The following VPS33B variants were observed in gnomAD, a reference collection of about 807,000 sequenced individuals.
VPS33B encodes VPS33B late endosome and lysosome associated.
In VPS33B, 80 loss-of-function variants were observed where a neutral mutation model predicts 95.3. The ratio of observed to expected loss-of-function variants is 0.84; its 90% confidence interval spans 0.70 to 1.01. The LOEUF (loss-of-function observed/expected upper bound fraction) is 1.01. VPS33B is among the 50% of genes least tolerant of loss of function. The probability of loss-of-function intolerance (pLI) is 0.00; values close to 1 mark genes in which losing one functional copy is unlikely to be tolerated. For missense variants in VPS33B, 715 were observed against 773.4 expected, an observed-to-expected ratio of 0.92 and a Z score of 0.90; for synonymous variants, 280 against 280.4, an observed-to-expected ratio of 1.00 and a Z score of 0.01.
At position 91,005,097 on chromosome 15, in the gene VPS33B, G is replaced by A. The variant is rs1332140293; in HGVS notation, c.1128C>T (p.Ile376=). 6.2e-7 allele frequency: 1 copy of A among 1,614,086 alleles called. No homozygotes were observed. The highest frequency in any genetic ancestry group is 2.2e-5 in the East Asian group (1 of 44,900). Residue 376 remains isoleucine, a synonymous_variant, in exon 15 of 23, where the codon ATC becomes ATT. Coordinates refer to ENST00000333371, the MANE Select transcript of VPS33B (RefSeq NM_018668.5). This position sits in a 1 kb window ranked among gnomAD's most constrained non-coding sequence, Gnocchi z 6.4. ...CCTCAATGTAGCTGGTGCTCTCCCG[G>A]ATGTTGAACCCCTCTAGCAGTGCTG... ...TEHALLEGFN[I]RESTSYIEEH... is the part of the protein sequence containing the mutation.
intron 1 of VPS33B, among the ~76,000 whole-genome samples, chr15:91,020,753 C>T (rs575230204): frequency 2.0e-5 from 3 of 152,180 alleles, no homozygotes; most frequent in East Asian, 3.9e-4. Flanking sequence ...GGCTAGCGTG[C>T]GCCTGTAATC....
At chr15:91,021,425 C>T (rs1192167725) in intron 1 of VPS33B, among the ~76,000 whole-genome samples, 1 of 152,218 alleles carries the variant, frequency 6.6e-6, no homozygotes, top group Non-Finnish European at 1.5e-5. Flanking sequence ...CCATCACTTT[C>T]CTTCATTCCC....
chr15:91,006,253 C>T lies in VPS33B; in HGVS notation c.852+119G>A, dbSNP rs568251318. ...TGAACTGGTGGGGAAACCCTCTCTC[C>T]CATAGACTCAGCCTCCCCTCTCAGA... On this transcript the variant is annotated intron_variant, in intron 11 of 22. Transcript: ENST00000333371. The surrounding 1 kb of genome is among the most constrained non-coding windows in gnomAD (Gnocchi z 5.4). 5.8e-5 allele frequency: 86 copies of T among 1,484,486 alleles called. No individual in the cohort carries two copies. The South Asian group carries it at 9.0e-4, about 16-fold the overall frequency. 92.0% of individuals were successfully genotyped at this position (1,484,486 alleles called of 1,614,324 possible).
chr15:91,021,385 T>TAG (rs1352283979), intron 1 of VPS33B, among the ~76,000 whole-genome samples: 1 of 152,146 alleles, frequency 6.6e-6, no homozygotes, highest in Non-Finnish European at 1.5e-5. Flanking sequence ...CAGTAAGTCT[T>TAG]TGAGTTTTCT....
chr15:91,016,706 G>A (rs1053275161), intron 3 of VPS33B, among the ~76,000 whole-genome samples: 2 of 152,006 alleles, frequency 1.3e-5, no homozygotes, highest in Non-Finnish European at 2.9e-5. Flanking sequence ...CTTGAGAAAA[G>A]CACGATGAAA....
intron 6 of VPS33B, among the ~76,000 whole-genome samples, chr15:91,008,577 A>G (rs113038683): frequency 0.017 from 2,611 of 152,236 alleles, 90 homozygotes; most frequent in African/African-American, 0.06. Context: ...CTCATTCATT[A>G]TTCAGCATAT....
rs536575979 is a variant in VPS33B at position 91,015,906 on chromosome 15, C to T, written c.239+1057G>A. ...AAATATTTTTTTTCAAACTGGGGTA[C>T]ATGGATATATTCTCCATGTATCCAG... On this transcript the variant is annotated intron_variant, in intron 3 of 22. Transcript: ENST00000333371. This position sits in a 1 kb window ranked among gnomAD's most constrained non-coding sequence, Gnocchi z 4.7. Among the ~76,000 whole-genome samples, 23 of 151,848 alleles carry T rather than the reference C, an allele frequency of 1.5e-4. No individual in the cohort carries two copies. The highest frequency in any genetic ancestry group is 5.1e-4 in the African/African-American group (21 of 41,406).
chr15:91,012,069 GAA>G (rs75535328), intron 5 of VPS33B, among the ~76,000 whole-genome samples: 18 of 104,312 alleles, frequency 1.7e-4, no homozygotes, highest in African/African-American at 5.9e-4. Flanking sequence ...AATTTGAAAA[GAA>G]AAAAAAAAAA....
intron 6 of VPS33B, 146 bp from the exon 7 acceptor site, chr15:91,008,110 A>T: frequency 1.3e-6 from 1 of 757,970 alleles, no homozygotes; most frequent in Non-Finnish European, 2.3e-6. Context: ...ATGGAGGCTC[A>T]AAGAAGAATA....
At chr15:91,003,938 C>G (rs946552880) in intron 16 of VPS33B, among the ~76,000 whole-genome samples, 1 of 151,996 alleles carries the variant, frequency 6.6e-6, no homozygotes, top group Admixed American at 6.6e-5. Context: ...AGAAAGCAAC[C>G]TTTGGCCGGG....
At position 91,004,947 on chromosome 15, in the gene VPS33B, GAATC is replaced by G; in HGVS notation, c.1171-20_1171-17del. 6.2e-7 allele frequency: 1 copy of G among 1,614,194 alleles called. No individual in the cohort carries two copies. The highest frequency in any genetic ancestry group is 1.1e-5 in the South Asian group (1 of 91,080). On this transcript the variant is annotated splice_polypyrimidine_tract_variant and intron_variant, in intron 15 of 22. Transcript: ENST00000333371. ...TAGGCGACACCTGCATAGGAAGAAA[GAATC>G]AAGGAGAATTGAAGCTTCACAACAC...
At position 91,009,879 on chromosome 15, in the gene VPS33B, C is replaced by T; in HGVS notation, c.358-33G>A. ...AGAAAAGGAAATTGATTAGTAACTA[C>T]CTTCTTCTCTGTTCTCTCCATTTCT... is the stretch of plus-strand genomic sequence containing the variant. On this transcript the variant is annotated intron_variant, in intron 5 of 22. Transcript: ENST00000333371. This position sits in a 1 kb window ranked among gnomAD's most constrained non-coding sequence, Gnocchi z 4.1. 6.2e-7 allele frequency: 1 copy of T among 1,613,158 alleles called. No individual in the cohort carries two copies.
rs1471769787 is a variant in VPS33B at position 91,022,140 on chromosome 15, A to G, written c.96+14T>C. ...AAACTGTAGATGCGATAAAGGCGTC[A>G]GGCAAGCACTGACCTGCTCCAGCAG... is the stretch of plus-strand genomic sequence containing the variant. On this transcript the variant is annotated intron_variant, in intron 1 of 22. Transcript: ENST00000333371. The G allele has an allele frequency of 9.6e-6, 15 of 1,556,186 alleles. No homozygotes were observed. The Admixed American group carries it at 2.3e-4, about 24-fold the overall frequency.
chr15:91,006,841 A>T lies in VPS33B; in HGVS notation c.700+109T>A. 1.3e-6 allele frequency: 2 copies of T among 1,588,090 alleles called. No homozygotes were observed. The highest frequency in any genetic ancestry group is 1.7e-5 in the Admixed American group (1 of 59,792). ...AGGGCCAAGGACCCACGCTCCTCAA[A>T]GCTGGGATTCACAGCCCTAACTTTA... is the stretch of plus-strand genomic sequence containing the variant. On this transcript the variant is annotated intron_variant, in intron 9 of 22. Transcript: ENST00000333371. This position sits in a 1 kb window ranked among gnomAD's most constrained non-coding sequence, Gnocchi z 5.4.
At chr15:91,014,546 C>T in intron 3 of VPS33B, 113 bp from the exon 4 acceptor site, 1 of 1,186,482 alleles carries the variant, frequency 8.4e-7, no homozygotes, top group Non-Finnish European at 1.2e-6. Context: ...CAGGTCTCAT[C>T]CTAGCCAAAG....
At position 90,999,078 on chromosome 15, in the gene VPS33B, G is replaced by A; in HGVS notation, c.1775-24C>T. On this transcript the variant is annotated intron_variant, in intron 22 of 22. Coordinates refer to ENST00000333371, the MANE Select transcript of VPS33B (RefSeq NM_018668.5). The surrounding 1 kb of genome is among the most constrained non-coding windows in gnomAD (Gnocchi z 5.1). ...GCCTAAGGAGTCAAATGCAGCAGCAGAAGAGACAGCACAGATCTTAGGCCC... is the reference window on the plus strand; with the variant it reads ...GCCTAAGGAGTCAAATGCAGCAGCAAAAGAGACAGCACAGATCTTAGGCCC... The A allele has an allele frequency of 1.2e-6, 2 of 1,612,998 alleles. No homozygotes were observed. The highest frequency in any genetic ancestry group is 1.3e-5 in the African/African-American group (1 of 75,048).
chr15:91,005,384 C>A lies in VPS33B; in HGVS notation c.1101G>T (p.Glu367Asp). Residue 367 changes from glutamate (E) to aspartate (D), a missense_variant, in exon 14 of 23, where the codon GAG (glutamate) becomes GAT (aspartate). Transcript: ENST00000333371. This position sits in a 1 kb window ranked among gnomAD's most constrained non-coding sequence, Gnocchi z 6.4. ...KQDFQELIKT[E>D]HALLEGFNIR... ...CAGCAAGGCTGCGGCAGTTACCATGCTCAGTCTTGATTAGCTCCTGGAAAT... is the reference window on the plus strand; with the variant it reads ...CAGCAAGGCTGCGGCAGTTACCATGATCAGTCTTGATTAGCTCCTGGAAAT... 2 of 1,614,156 alleles carry A rather than the reference C, an allele frequency of 1.2e-6. No homozygotes were observed. The highest frequency in any genetic ancestry group is 1.7e-6 in the Non-Finnish European group (2 of 1,180,020).
At chr15:91,021,531 C>G (rs2041101743) in intron 1 of VPS33B, among the ~76,000 whole-genome samples, 1 of 152,180 alleles carries the variant, frequency 6.6e-6, no homozygotes, top group South Asian at 2.1e-4. Flanking sequence ...ACACACATCA[C>G]TATTAGAATC....
Position 91,009,434 on chromosome 15 carries a change from G to A in VPS33B, c.403+367C>T, listed in dbSNP as rs1468173518. On this transcript the variant is annotated intron_variant, in intron 6 of 22. Transcript: ENST00000333371. The surrounding 1 kb of genome is among the most constrained non-coding windows in gnomAD (Gnocchi z 4.1). ...CAATTCTTCTGCCTCAGCCTCCCGA[G>A]TAGCTGGGATTACAAGCGTGCGCCA... 6.6e-6 allele frequency among the ~76,000 whole-genome samples: 1 copy of A among 151,950 alleles called. No individual in the cohort carries two copies. The highest frequency in any genetic ancestry group is 2.4e-5 in the African/African-American group (1 of 41,330).
Sources: allele counts gnomAD v4.1 joint callset (sites outside exome capture counted in the v4.1 genomes callset), GRCh38; gene constraint gnomAD v4.1.1; non-coding constraint Gnocchi (gnomAD v3.1); transcripts MANE v1.5; gene names NCBI Gene and HGNC (gene_info 2026-07-23, HGNC 2026-07-21).